The following RXFP1 variants were observed in gnomAD, a reference collection of about 807,000 sequenced individuals.
The protein encoded by RXFP1 is relaxin family peptide receptor 1.
Under a neutral mutation model 89.8 loss-of-function variants are expected in RXFP1, and 73 were observed. The observed-to-expected ratio is 0.81, with a 90% CI of 0.67 to 0.99. The LOEUF is 0.99. Ranked by LOEUF, RXFP1 falls within the 50% of genes least tolerant of loss-of-function variation. The pLI is 0.00. For missense variants in RXFP1, 793 were observed against 895.5 expected (o/e 0.89, Z 1.46); for synonymous variants, 277 against 305.5 (o/e 0.91, Z 0.97).
Position 158,652,163 on chromosome 4 carries a change from A to G in RXFP1, c.*108A>G. 1 of 906,490 alleles carries G rather than the reference A, an allele frequency of 1.1e-6. No homozygotes were observed. Among genetic ancestry groups the G allele is most frequent in the South Asian group, 2.2e-5 (1 of 44,994 alleles). The allele number at this position is 906,490 out of a possible 1,614,324, so 56.2% of individuals were successfully genotyped here. A position where few individuals can be genotyped will look rare whatever the true frequency, so the allele number is the denominator to read the frequency against. On this transcript the variant is annotated 3_prime_UTR_variant, in exon 18 of 18. Coordinates refer to ENST00000307765, the MANE Select transcript of RXFP1 (RefSeq NM_021634.4). ...AAATTAATTTATAATAATAGCTAAG[A>G]TAAATATTTTACAAGGACATGAGGA... is the stretch of plus-strand genomic sequence containing the variant.
intron 1 of RXFP1, among the ~76,000 whole-genome samples, chr4:158,533,821 T>G (rs1051706954): frequency 1.3e-5 from 2 of 152,108 alleles, no homozygotes; most frequent in Non-Finnish European, 2.9e-5. Context: ...TCATGTAACT[T>G]TTATTTTTAA....
At chr4:158,592,822 GGCGCAC>G in intron 2 of RXFP1, among the ~76,000 whole-genome samples, 1 of 152,168 alleles carries the variant, frequency 6.6e-6, no homozygotes, top group East Asian at 1.9e-4. Flanking sequence ...AGGGCATGGT[GGCGCAC>G]GCCTGTAATC....
intron 15 of RXFP1, among the ~76,000 whole-genome samples, chr4:158,645,524 G>A (rs1361185558): frequency 2.6e-5 from 4 of 152,168 alleles, no homozygotes; most frequent in Non-Finnish European, 4.4e-5. Context: ...CCAGTTCACA[G>A]ATATTGACTT....
chr4:158,526,300 G>A (rs1742492589), intron 1 of RXFP1, among the ~76,000 whole-genome samples: 1 of 152,212 alleles, frequency 6.6e-6, no homozygotes, highest in Non-Finnish European at 1.5e-5. Context: ...AATAAATATT[G>A]ACTTAATTCC....
chr4:158,587,811 G>A lies in RXFP1; in HGVS notation c.188-5590G>A, dbSNP rs948424442. On this transcript the variant is annotated intron_variant, in intron 2 of 17. Coordinates refer to ENST00000307765, the MANE Select transcript of RXFP1 (RefSeq NM_021634.4). ...ATCTGTAAGTGGAGATGATGATAAT[G>A]ACCAAATGTAGTTATGAGGATAAAA... Among the ~76,000 whole-genome samples the A allele has an allele frequency of 3.3e-5, 5 of 152,250 alleles. No homozygotes were observed. In the East Asian group the frequency reaches 7.7e-4, roughly 23 times the overall value.
chr4:158,630,697 C>A (rs1489450285), intron 11 of RXFP1, among the ~76,000 whole-genome samples: 2 of 152,176 alleles, frequency 1.3e-5, no homozygotes, highest in Admixed American at 1.3e-4. Flanking sequence ...ATTAGGTGGA[C>A]TTTAATGCAC....
intron 11 of RXFP1, among the ~76,000 whole-genome samples, chr4:158,631,877 G>T (rs1375809732): frequency 3.9e-5 from 6 of 152,130 alleles, no homozygotes; most frequent in African/African-American, 1.4e-4. Context: ...ATGATCACTT[G>T]TGCCCAGGAG....
At chr4:158,646,525 C>T in intron 15 of RXFP1, 1 of 1,283,514 alleles carries the variant, frequency 7.8e-7, no homozygotes. Flanking sequence ...TAGACAAGAT[C>T]TGTGCTGTTA....
intron 9 of RXFP1, among the ~76,000 whole-genome samples, chr4:158,626,111 T>TATCTAG (rs1766660511): frequency 7.3e-6 from 1 of 136,594 alleles, no homozygotes; most frequent in African/African-American, 2.9e-5. Context: ...TAGATATCTA[T>TATCTAG]ATAGATAGAT....
At chr4:158,642,208 A>T (rs1187722646) in intron 14 of RXFP1, among the ~76,000 whole-genome samples, 1 of 151,908 alleles carries the variant, frequency 6.6e-6, no homozygotes, top group Admixed American at 6.6e-5. Context: ...GTACATAGTG[A>T]TGTTTTGGTA....
At chr4:158,647,294 TC>T in intron 16 of RXFP1, 93 bp downstream of exon 16, 1 of 1,028,374 alleles carries the variant, frequency 9.7e-7, no homozygotes, top group Non-Finnish European at 1.4e-6. Context: ...TCTATCAGAA[TC>T]CCCAGCAAGG....
intron 8 of RXFP1, among the ~76,000 whole-genome samples, chr4:158,616,270 A>G (rs1023482220): frequency 6.6e-6 from 1 of 151,934 alleles, no homozygotes; most frequent in South Asian, 2.1e-4. Context: ...AAAAATATAA[A>G]AAGAAAAAAA....
At chr4:158,645,866 T>C (rs1235807473) in intron 15 of RXFP1, among the ~76,000 whole-genome samples, 1 of 150,750 alleles carries the variant, frequency 6.6e-6, no homozygotes, top group Non-Finnish European at 1.5e-5. Context: ...GTCTAAATGT[T>C]TTTTTTTTAT....
intron 1 of RXFP1, among the ~76,000 whole-genome samples, chr4:158,547,716 T>C (rs1347504523): frequency 1.3e-5 from 2 of 152,188 alleles, no homozygotes; most frequent in African/African-American, 4.8e-5. Flanking sequence ...TACCCAATAG[T>C]CATTCAGGAG....
chr4:158,652,192 AT>A lies in RXFP1; in HGVS notation c.*138del. ...ATATTTTACAAGGACATGAGGAAAA[AT>A]AAAAATGACTAATGCTCTTACAAAG... On this transcript the variant is annotated 3_prime_UTR_variant, in exon 18 of 18. Coordinates refer to ENST00000307765, the MANE Select transcript of RXFP1 (RefSeq NM_021634.4). 1.5e-6 allele frequency: 1 copy of A among 685,408 alleles called. No homozygotes were observed. The highest frequency in any genetic ancestry group is 2.3e-6 in the Non-Finnish European group (1 of 438,284). 42.5% of individuals were successfully genotyped at this position (685,408 alleles called of 1,614,324 possible).
intron 1 of RXFP1, among the ~76,000 whole-genome samples, chr4:158,551,339 T>C (rs1017791234): frequency 5.9e-5 from 9 of 152,176 alleles, no homozygotes; most frequent in African/African-American, 2.2e-4. Context: ...GGCCAAAAAA[T>C]GTGAGGTTTC....
chr4:158,639,546 A>T (rs1561188389), intron 14 of RXFP1, among the ~76,000 whole-genome samples: 1 of 152,296 alleles, frequency 6.6e-6, no homozygotes, highest in East Asian at 1.9e-4. Context: ...ATGAGGACAG[A>T]GCCCTCATGA....
At chr4:158,539,491 T>C (rs754007566) in intron 1 of RXFP1, among the ~76,000 whole-genome samples, 4 of 139,372 alleles carry the variant, frequency 2.9e-5, no homozygotes, top group Non-Finnish European at 5.9e-5. Flanking sequence ...AATAATAAAA[T>C]TTAAAAAAAA....
At chr4:158,567,283 G>A (rs548465446) in intron 1 of RXFP1, among the ~76,000 whole-genome samples, 138 of 152,336 alleles carry the variant, frequency 9.1e-4, no homozygotes, top group Admixed American at 1.9e-3. Context: ...GTTGAGAAGT[G>A]TGGGCGCACG....
Sources: allele counts gnomAD v4.1 joint callset (sites outside exome capture counted in the v4.1 genomes callset), GRCh38; gene constraint gnomAD v4.1.1; transcripts MANE v1.5; gene names NCBI Gene and HGNC (gene_info 2026-07-23, HGNC 2026-07-21).